Variants in EHBP1 observed in about 807,000 individuals in gnomAD.
EHBP1 encodes the protein EH domain-binding protein 1.
A neutral mutation model predicts 144.0 loss-of-function variants in EHBP1; 55 were observed. That is an observed-to-expected ratio of 0.38 (90% CI 0.31 to 0.48). EHBP1 has a LOEUF of 0.48. Ranked by LOEUF, EHBP1 falls within the 20% of genes least tolerant of loss-of-function variation. The pLI, the probability that EHBP1 is intolerant of heterozygous loss-of-function variation, is 0.98. For missense variants in EHBP1, 1,200 were observed against 1,364.2 expected (o/e 0.88, Z 1.90); for synonymous variants, 469 against 472.7 (o/e 0.99, Z 0.10).
At chr2:62,946,448 C>A (rs577389986) in intron 12 of EHBP1, among the ~76,000 whole-genome samples, 1 of 152,222 alleles carries the variant, frequency 6.6e-6, no homozygotes, top group East Asian at 1.9e-4. Flanking sequence ...TTCCTTTCAT[C>A]ATTTGCTACT....
At chr2:63,029,933 G>A (rs1177584046) in intron 19 of EHBP1, among the ~76,000 whole-genome samples, 2 of 151,828 alleles carry the variant, frequency 1.3e-5, no homozygotes, top group Non-Finnish European at 2.9e-5. Flanking sequence ...GTTTCACCAT[G>A]TTGGTCAGGC....
chr2:62,853,418 G>A (rs1025359406), intron 7 of EHBP1, among the ~76,000 whole-genome samples: 2 of 152,170 alleles, frequency 1.3e-5, no homozygotes, highest in African/African-American at 4.8e-5. Flanking sequence ...GCAATTCAGT[G>A]ATATCTTTAG....
chr2:62,714,375 C>A (rs2035461247), intron 2 of EHBP1, among the ~76,000 whole-genome samples: 1 of 152,178 alleles, frequency 6.6e-6, no homozygotes, highest in Admixed American at 6.5e-5. Flanking sequence ...TTATTCCACT[C>A]AAACTACATA....
intron 9 of EHBP1, among the ~76,000 whole-genome samples, chr2:62,870,046 A>G (rs1033169243): frequency 1.3e-5 from 2 of 152,190 alleles, no homozygotes; most frequent in African/African-American, 4.8e-5. Flanking sequence ...AACATTATTT[A>G]GAACTTGGGA....
At chr2:62,763,878 A>T (rs140033005) in intron 3 of EHBP1, among the ~76,000 whole-genome samples, 104 of 152,272 alleles carry the variant, frequency 6.8e-4, no homozygotes, top group African/African-American at 2.2e-3. Context: ...AATTTGTCTT[A>T]AAGTTCCTAG....
intron 10 of EHBP1, among the ~76,000 whole-genome samples, chr2:62,911,725 G>A (rs2054232011): frequency 1.3e-5 from 2 of 152,306 alleles, no homozygotes; most frequent in African/African-American, 4.8e-5. Context: ...GCCTCCCAAA[G>A]TGCTGAGATT....
intron 2 of EHBP1, among the ~76,000 whole-genome samples, chr2:62,722,456 C>T (rs1254881830): frequency 6.6e-6 from 1 of 151,852 alleles, no homozygotes; most frequent in African/African-American, 2.4e-5. Context: ...TAAACATAAC[C>T]ACAGTTTAAT....
intron 2 of EHBP1, among the ~76,000 whole-genome samples, chr2:62,715,693 C>T (rs1243536594): frequency 6.6e-6 from 1 of 152,014 alleles, no homozygotes; most frequent in South Asian, 2.1e-4. Flanking sequence ...GGTATGGACC[C>T]AGAAGGAATG....
intron 14 of EHBP1, among the ~76,000 whole-genome samples, chr2:62,958,216 A>G (rs1003988476): frequency 2.6e-5 from 4 of 152,220 alleles, no homozygotes; most frequent in African/African-American, 9.7e-5. Flanking sequence ...TTTAAGGTAT[A>G]TAACCAAAAA....
At position 62,862,963 on chromosome 2, in the gene EHBP1, T is replaced by G. The variant is rs1248337918; in HGVS notation, c.758-1768T>G. Among the ~76,000 whole-genome samples, 2 of 152,098 alleles carry G rather than the reference T, an allele frequency of 1.3e-5. 1 individual carries two copies. The highest frequency in any genetic ancestry group is 4.8e-5 in the African/African-American group (2 of 41,442). ...TACTACTACTACTATAGTGGTTTTG[T>G]ATTTTGAGTCAGAGTTTTATTTTAA... On this transcript the variant is annotated intron_variant, in intron 8 of 22. Coordinates refer to ENST00000431489, the MANE Select transcript of EHBP1 (RefSeq NM_001142616.3).
At chr2:62,895,450 C>T (rs2052827557) in intron 10 of EHBP1, among the ~76,000 whole-genome samples, 1 of 152,170 alleles carries the variant, frequency 6.6e-6, no homozygotes, top group South Asian at 2.1e-4. Flanking sequence ...TCTTCAGCTT[C>T]TGCTGTTACT....
intron 1 of EHBP1, among the ~76,000 whole-genome samples, chr2:62,675,596 C>G (rs955495502): frequency 1.3e-5 from 2 of 152,150 alleles, no homozygotes; most frequent in African/African-American, 2.4e-5. Context: ...AAAAAGGAAG[C>G]CTAGGGACAA....
At chr2:62,997,081 C>A (rs1320117648) in intron 19 of EHBP1, among the ~76,000 whole-genome samples, 1 of 151,950 alleles carries the variant, frequency 6.6e-6, no homozygotes, top group East Asian at 1.9e-4. Flanking sequence ...TACTGTTCTA[C>A]TGATTCATTG....
Position 63,045,067 on chromosome 2 carries a change from C to G in EHBP1, c.3279C>G (p.Asp1093Glu), listed in dbSNP as rs1238092965. The change falls in exon 22 of 23, where the codon GAC becomes GAG. Residue 1093 changes from aspartate to glutamate, a missense_variant and splice_region_variant. This residue lies in a region of EHBP1 where 149 missense variants were observed against 217.0 expected (regional missense o/e 0.69). Transcript: ENST00000431489. The surrounding 1 kb of genome is among the most constrained non-coding windows in gnomAD (Gnocchi z 5.7). ...RELRAMLAIE[D>E]WQKTEAQKRR... ...TAACTAGCCTCCCGTCTTCTGCAGA[C>G]TGGCAGAAGACCGAGGCCCAGAAGC... The G allele has an allele frequency of 8.4e-6, 13 of 1,553,176 alleles. No homozygotes were observed. The highest frequency in any genetic ancestry group is 1.4e-5 in the African/African-American group (1 of 73,360).
At chr2:62,870,253 G>A (rs547907736) in intron 9 of EHBP1, among the ~76,000 whole-genome samples, 65 of 152,196 alleles carry the variant, frequency 4.3e-4, no homozygotes, top group Middle Eastern at 6.8e-3. Flanking sequence ...TTGACTACTA[G>A]TTGTTGTATT....
intron 14 of EHBP1, chr2:62,955,862 T>C (rs2057669310): frequency 7.0e-6 from 3 of 430,018 alleles, no homozygotes; most frequent in Non-Finnish European, 1.2e-5. Context: ...GTGTTAGTGA[T>C]GAGGAAAAGT....
At chr2:62,810,237 G>GA (rs1271837460) in intron 5 of EHBP1, among the ~76,000 whole-genome samples, 1 of 151,990 alleles carries the variant, frequency 6.6e-6, no homozygotes, top group Non-Finnish European at 1.5e-5. Flanking sequence ...TATGTAATCA[G>GA]AAAAAAAGTA....
chr2:62,815,222 A>G (rs756123348), intron 5 of EHBP1, among the ~76,000 whole-genome samples: 4 of 152,188 alleles, frequency 2.6e-5, no homozygotes, highest in Non-Finnish European at 5.9e-5. Flanking sequence ...GCATAAAGCT[A>G]AGACCCCAGA....
intron 10 of EHBP1, among the ~76,000 whole-genome samples, chr2:62,875,933 C>T (rs1458261386): frequency 6.6e-6 from 1 of 151,412 alleles, no homozygotes; most frequent in South Asian, 2.1e-4. Context: ...GACAAAAATA[C>T]AGAAAAAAAA....
Sources: allele counts gnomAD v4.1 joint callset (sites outside exome capture counted in the v4.1 genomes callset), GRCh38; gene constraint gnomAD v4.1.1; regional missense constraint gnomAD v4.1.1; non-coding constraint Gnocchi (gnomAD v3.1); transcripts MANE v1.5; gene names NCBI Gene and HGNC (gene_info 2026-07-23, HGNC 2026-07-21).